The following SPATA9 variants were observed in gnomAD, a reference collection of about 807,000 sequenced individuals.
SPATA9 encodes spermatogenesis associated 9.
Under a neutral mutation model 25.5 loss-of-function variants are expected in SPATA9, and 27 were observed. The ratio of observed to expected loss-of-function variants is 1.06; its 90% confidence interval spans 0.78 to 1.46. The LOEUF (loss-of-function observed/expected upper bound fraction) is 1.46. Among genes scored for constraint, SPATA9 ranks in the 40% most tolerant of loss-of-function variants. SPATA9 has a pLI of 0.00. For synonymous variants in SPATA9, 102 were observed against 105.7 expected (o/e 0.97, Z 0.21); for missense variants, 282 against 297.5 (o/e 0.95, Z 0.38).
At chr5:95,710,065 C>A in the SPATA9 span, among the ~76,000 whole-genome samples, 40 of 152,114 alleles carry the variant, frequency 2.6e-4, no homozygotes, top group African/African-American at 9.4e-4. Context: ...TGAGTGAGGG[C>A]CATCAATTCA....
upstream of SPATA9, among the ~76,000 whole-genome samples, chr5:95,685,170 A>G (rs1372143061): frequency 1.3e-5 from 2 of 152,376 alleles, no homozygotes; most frequent in East Asian, 1.9e-4. Context: ...TGAACATTAA[A>G]TACCCAATAA....
chr5:95,656,081 G>A (rs1213739059), downstream of SPATA9: 1 of 1,613,364 alleles, frequency 6.2e-7, no homozygotes, highest in Non-Finnish European at 8.5e-7. Flanking sequence ...TTTGCCCCTG[G>A]CATAAATACA....
chr5:95,689,203 T>C (rs1186230991), intron 1 of SPATA9, among the ~76,000 whole-genome samples: 1 of 152,204 alleles, frequency 6.6e-6, no homozygotes, highest in Non-Finnish European at 1.5e-5. Context: ...AACATTTCCC[T>C]TTCTGCTGTT....
chr5:95,716,075 T>C, the SPATA9 span, among the ~76,000 whole-genome samples: 1 of 152,092 alleles, frequency 6.6e-6, no homozygotes, highest in South Asian at 2.1e-4. Flanking sequence ...TTGGTGAGGA[T>C]GGAGAGTAGA....
chr5:95,692,203 C>A (rs150588236), intron 1 of SPATA9, among the ~76,000 whole-genome samples: 1 of 151,968 alleles, frequency 6.6e-6, no homozygotes, highest in East Asian at 1.9e-4. Flanking sequence ...TTCAGTGGTG[C>A]CTGAAATAAT....
At chr5:95,663,884 C>CATTAACATTATTATTA in intron 4 of SPATA9, 69 bp downstream of exon 4, 1 of 788,446 alleles carries the variant, frequency 1.3e-6, no homozygotes, top group South Asian at 2.4e-5. Context: ...TATACTATTG[C>CATTAACATTATTATTA]ACAGTATTAT....
chr5:95,675,734 T>G, intron 2 of SPATA9, 95 bp from the exon 3 acceptor site: 1 of 939,826 alleles, frequency 1.1e-6, no homozygotes. Flanking sequence ...ATAACTACAT[T>G]GTGCATGGTG....
chr5:95,721,693 T>TTA, the SPATA9 span, among the ~76,000 whole-genome samples: 1 of 132,192 alleles, frequency 7.6e-6, no homozygotes, highest in East Asian at 2.2e-4. Flanking sequence ...CTGAGAGCAT[T>TTA]AAAAAAAAAA....
chr5:95,654,893 ATTATTT>A (rs1465844145), downstream of SPATA9, among the ~76,000 whole-genome samples: 1 of 152,080 alleles, frequency 6.6e-6, no homozygotes, highest in Non-Finnish European at 1.5e-5. Flanking sequence ...ATGAGTATAT[ATTATTT>A]TTATAATATA....
chr5:95,674,056 G>T (rs1180710460), intron 3 of SPATA9, among the ~76,000 whole-genome samples: 3 of 152,164 alleles, frequency 2.0e-5, no homozygotes, highest in African/African-American at 7.2e-5. Flanking sequence ...GTGATCTAAA[G>T]ATACAGGATT....
chr5:95,714,960 G>T, the SPATA9 span, among the ~76,000 whole-genome samples: 1 of 152,126 alleles, frequency 6.6e-6, no homozygotes, highest in Non-Finnish European at 1.5e-5. Context: ...TTAATTCATA[G>T]ACTTAATGCA....
intron 3 of SPATA9, among the ~76,000 whole-genome samples, chr5:95,669,296 G>A (rs906302638): frequency 2.0e-5 from 3 of 152,054 alleles, no homozygotes; most frequent in Non-Finnish European, 2.9e-5. Flanking sequence ...CTCTTTCCCC[G>A]GGTCTAGATT....
intron 4 of SPATA9, chr5:95,659,744 C>T (rs1276339778): frequency 6.6e-6 from 1 of 152,304 alleles, no homozygotes; most frequent in Admixed American, 6.5e-5. Context: ...GCCCTCCTGC[C>T]TCCTGCCTCC....
At chr5:95,692,799 T>G (rs1208824482) in intron 1 of SPATA9, among the ~76,000 whole-genome samples, 2 of 152,174 alleles carry the variant, frequency 1.3e-5, no homozygotes, top group South Asian at 4.1e-4. Context: ...TCAGAGAATA[T>G]GGTCTATAAA....
chr5:95,695,311 C>T (rs1580358178), intron 1 of SPATA9, among the ~76,000 whole-genome samples: 1 of 152,162 alleles, frequency 6.6e-6, no homozygotes, highest in East Asian at 1.9e-4. Context: ...CTTAAAAACA[C>T]GTTTGGCCAG....
At chr5:95,730,874 CA>C in the SPATA9 span, 3 of 455,624 alleles carry the variant, frequency 6.6e-6, no homozygotes, top group South Asian at 4.6e-5. Flanking sequence ...CGCATGTTGA[CA>C]AATGAGAAAG....
intron 1 of SPATA9, among the ~76,000 whole-genome samples, chr5:95,696,726 G>T (rs958596747): frequency 2.1e-4 from 32 of 152,134 alleles, no homozygotes; most frequent in Non-Finnish European, 2.6e-4. Context: ...CAAATTAAAA[G>T]AATTAATCTG....
intron 1 of SPATA9, among the ~76,000 whole-genome samples, chr5:95,695,125 T>A (rs1005402145): frequency 2.4e-4 from 36 of 152,228 alleles, no homozygotes; most frequent in Non-Finnish European, 7.3e-5. Flanking sequence ...TATTTCAATA[T>A]GAATTTCTGT....
At chr5:95,679,304 G>C (rs779727095) in intron 2 of SPATA9, among the ~76,000 whole-genome samples, 8 of 152,172 alleles carry the variant, frequency 5.3e-5, no homozygotes, top group Non-Finnish European at 8.8e-5. Flanking sequence ...TGAGCTATTT[G>C]ACATTGACCA....
Sources: allele counts gnomAD v4.1 joint callset (sites outside exome capture counted in the v4.1 genomes callset), GRCh38; gene constraint gnomAD v4.1.1; transcripts MANE v1.5; gene names NCBI Gene and HGNC (gene_info 2026-07-23, HGNC 2026-07-21).